The following GPC6 variants were observed in gnomAD, a reference collection of about 807,000 sequenced individuals.
The protein encoded by GPC6 is glypican-6.
A neutral mutation model predicts 55.2 loss-of-function variants in GPC6; 14 were observed. The ratio of observed to expected loss-of-function variants is 0.25; its 90% CI spans 0.17 to 0.40. The LOEUF (loss-of-function observed/expected upper bound fraction) is 0.40. Ranked by LOEUF, GPC6 falls within the 10% of genes least tolerant of loss-of-function variation. GPC6 has a pLI of 1.00. For synonymous variants in GPC6, 278 were observed against 259.6 expected, an observed-to-expected ratio of 1.07 and a Z score of -0.68; for missense variants, 641 against 708.5, an observed-to-expected ratio of 0.90 and a Z score of 1.08.
chr13:93,486,552 T>C (rs780592293), intron 1 of GPC6, among the ~76,000 whole-genome samples: 1 of 152,200 alleles, frequency 6.6e-6, no homozygotes, highest in Non-Finnish European at 1.5e-5. Flanking sequence ...CTAATAAACA[T>C]TGTTTATATC....
intron 2 of GPC6, among the ~76,000 whole-genome samples, chr13:93,750,127 G>T (rs1884527525): frequency 6.6e-6 from 1 of 152,156 alleles, no homozygotes; most frequent in African/African-American, 2.4e-5. Context: ...AGAATAAATA[G>T]AATTTAAGCA....
intron 1 of GPC6, among the ~76,000 whole-genome samples, chr13:93,436,628 A>G (rs1240574183): frequency 5.3e-5 from 8 of 152,044 alleles, no homozygotes; most frequent in Non-Finnish European, 8.8e-5. Flanking sequence ...TTCCATGTAT[A>G]CTTAGGGAAT....
chr13:94,302,524 T>G (rs1365527417), intron 5 of GPC6, among the ~76,000 whole-genome samples: 1 of 152,250 alleles, frequency 6.6e-6, no homozygotes. Context: ...AATTATTAAT[T>G]TTTACTTTGT....
intron 3 of GPC6, among the ~76,000 whole-genome samples, chr13:93,906,280 C>T (rs964708962): frequency 1.3e-5 from 2 of 152,154 alleles, no homozygotes; most frequent in African/African-American, 4.8e-5. Context: ...TGCATCTTCT[C>T]TTACCAAGAG....
At chr13:94,178,145 A>G (rs1234081458) in intron 4 of GPC6, among the ~76,000 whole-genome samples, 1 of 151,566 alleles carries the variant, frequency 6.6e-6, no homozygotes, top group Non-Finnish European at 1.5e-5. Context: ...CAGCCTCCCA[A>G]GTAGCTACCA....
chr13:94,329,198 C>T (rs1476470185), intron 6 of GPC6, among the ~76,000 whole-genome samples: 3 of 152,162 alleles, frequency 2.0e-5, no homozygotes, highest in Admixed American at 1.3e-4. Context: ...AAAATGTCCT[C>T]AAGAATATCC....
chr13:93,992,616 A>T (rs1046499618), intron 3 of GPC6, among the ~76,000 whole-genome samples: 1 of 152,182 alleles, frequency 6.6e-6, no homozygotes, highest in Non-Finnish European at 1.5e-5. Flanking sequence ...GACTGTGACA[A>T]TGTTTAGTGA....
At chr13:93,767,452 C>A (rs1188090011) in intron 2 of GPC6, among the ~76,000 whole-genome samples, 1 of 152,002 alleles carries the variant, frequency 6.6e-6, no homozygotes, top group Admixed American at 6.6e-5. Flanking sequence ...GTGTCTATTG[C>A]CTCAGAGTAA....
intron 1 of GPC6, among the ~76,000 whole-genome samples, chr13:93,302,164 T>C (rs77565052): frequency 0.013 from 1,974 of 152,312 alleles, 34 homozygotes; most frequent in African/African-American, 0.044. Context: ...GGATACTTTT[T>C]TTCTGGCTAG....
At chr13:93,434,231 G>C (rs1424345314) in intron 1 of GPC6, among the ~76,000 whole-genome samples, 1 of 152,146 alleles carries the variant, frequency 6.6e-6, no homozygotes, top group Non-Finnish European at 1.5e-5. Flanking sequence ...CAGATCAATA[G>C]AAATGCCACA....
At chr13:94,147,683 C>T (rs1329251720) in intron 4 of GPC6, among the ~76,000 whole-genome samples, 2 of 152,080 alleles carry the variant, frequency 1.3e-5, no homozygotes. Context: ...GCTCTGTGAC[C>T]CTGGGCAAGT....
intron 1 of GPC6, among the ~76,000 whole-genome samples, chr13:93,440,801 G>C (rs2590505): frequency 0.31 from 47,199 of 151,720 alleles, 7,470 homozygotes; most frequent in East Asian, 0.36. Flanking sequence ...CCCATTAACT[G>C]GTCATTTACA....
intron 1 of GPC6, among the ~76,000 whole-genome samples, chr13:93,306,851 C>T (rs1016464050): frequency 6.6e-6 from 1 of 151,992 alleles, no homozygotes; most frequent in African/African-American, 2.4e-5. Flanking sequence ...CATTTTGACA[C>T]AGAGCATATT....
intron 1 of GPC6, among the ~76,000 whole-genome samples, chr13:93,236,730 G>T (rs1876247669): frequency 6.6e-6 from 1 of 152,094 alleles, no homozygotes. Context: ...CCATTCCCTG[G>T]TGCCAAAAAG....
intron 2 of GPC6, among the ~76,000 whole-genome samples, chr13:93,567,202 A>G (rs1027063605): frequency 4.0e-4 from 61 of 152,266 alleles, no homozygotes; most frequent in African/African-American, 1.4e-3. Flanking sequence ...AACAATTACA[A>G]TAATAATACA....
chr13:94,270,297 T>G (rs1891951277), intron 4 of GPC6, among the ~76,000 whole-genome samples: 1 of 152,200 alleles, frequency 6.6e-6, no homozygotes, highest in Non-Finnish European at 1.5e-5. Flanking sequence ...AAGGAGTATA[T>G]TTTATAATAG....
chr13:93,288,066 T>A (rs1878197492), intron 1 of GPC6, among the ~76,000 whole-genome samples: 1 of 152,206 alleles, frequency 6.6e-6, no homozygotes, highest in Admixed American at 6.5e-5. Flanking sequence ...AATGTATCTG[T>A]GAATTATCTA....
intron 3 of GPC6, among the ~76,000 whole-genome samples, chr13:93,833,347 T>A (rs1887605485): frequency 6.6e-6 from 1 of 152,170 alleles, no homozygotes; most frequent in Non-Finnish European, 1.5e-5. Context: ...CCAAGGTATT[T>A]TTGTAATAAG....
At chr13:93,644,606 T>C (rs932057337) in intron 2 of GPC6, among the ~76,000 whole-genome samples, 25 of 151,998 alleles carry the variant, frequency 1.6e-4, no homozygotes, top group Non-Finnish European at 1.5e-5. Flanking sequence ...GCAGCAGGAT[T>C]ACAGGATTTT....
Sources: allele counts gnomAD v4.1 joint callset (sites outside exome capture counted in the v4.1 genomes callset), GRCh38; gene constraint gnomAD v4.1.1; transcripts MANE v1.5; gene names NCBI Gene and HGNC (gene_info 2026-07-23, HGNC 2026-07-21).